The following OPCML variants were observed in gnomAD, a reference collection of about 807,000 sequenced individuals.
OPCML encodes opioid binding protein/cell adhesion molecule like, also known as opioid-binding protein/cell adhesion molecule.
Under a neutral mutation model 37.8 loss-of-function variants are expected in OPCML, and 13 were observed. The ratio of observed to expected loss-of-function variants is 0.34; its 90% CI spans 0.22 to 0.55. The LOEUF is 0.55. Ranked by LOEUF, OPCML falls within the 20% of genes least tolerant of loss-of-function variation. The pLI is 0.91. For missense variants in OPCML, 341 were observed against 435.6 expected (o/e 0.78, Z 1.93); for synonymous variants, 176 against 168.8 (o/e 1.04, Z -0.33).
intron 1 of OPCML, among the ~76,000 whole-genome samples, chr11:133,219,540 G>A (rs1033168653): frequency 2.0e-4 from 30 of 152,170 alleles, no homozygotes; most frequent in Admixed American, 2.0e-4. Context: ...AGAATCATCC[G>A]GAGGGCTTGT....
In OPCML at chr11:133,205,540, T is replaced by C. The variant is rs1565502700; in HGVS notation, c.62-262530A>G. On this transcript the variant is annotated intron_variant, in intron 1 of 7. Transcript: ENST00000524381. The surrounding 1 kb of genome is among the most constrained non-coding windows in gnomAD (Gnocchi z 4.8). The stretch of plus-strand genomic sequence containing the variant: ...GTGCTGTGGGCTGAGCCTCACCCTA[T>C]GGGGACTGACGCCGTCTCCAGGTAG... Among the ~76,000 whole-genome samples the C allele has an allele frequency of 6.6e-6, 1 of 152,172 alleles. No individual in the cohort carries two copies. Among genetic ancestry groups the C allele is most frequent in the Non-Finnish European group, 1.5e-5 (1 of 68,032 alleles).
chr11:132,784,203 C>T (rs140746868), intron 2 of OPCML, among the ~76,000 whole-genome samples: 78 of 152,282 alleles, frequency 5.1e-4, no homozygotes, highest in African/African-American at 1.7e-3. Flanking sequence ...AGACTGCTAC[C>T]TCTACTGACA....
At chr11:132,464,851 T>G (rs1429296352) in intron 4 of OPCML, among the ~76,000 whole-genome samples, 1 of 152,190 alleles carries the variant, frequency 6.6e-6, no homozygotes, top group African/African-American at 2.4e-5. Context: ...GTACAAGATG[T>G]GAAAGTAGCT....
intron 1 of OPCML, among the ~76,000 whole-genome samples, chr11:133,074,925 G>A (rs1193335317): frequency 2.0e-5 from 3 of 152,042 alleles, no homozygotes; most frequent in East Asian, 1.9e-4. Flanking sequence ...ACAGAATGAC[G>A]CCCACCCCTG....
At chr11:132,534,882 G>A (rs1344029753) in intron 3 of OPCML, among the ~76,000 whole-genome samples, 6 of 152,024 alleles carry the variant, frequency 3.9e-5, no homozygotes, top group Non-Finnish European at 7.4e-5. Context: ...TGTTGATATT[G>A]TTCATGCCAT....
chr11:132,701,024 T>C (rs1943792272), intron 2 of OPCML, among the ~76,000 whole-genome samples: 1 of 152,210 alleles, frequency 6.6e-6, no homozygotes, highest in Non-Finnish European at 1.5e-5. Flanking sequence ...GAACTCTTTA[T>C]TGTCATTATA....
chr11:132,686,072 C>A (rs1370882380), intron 2 of OPCML, among the ~76,000 whole-genome samples: 2 of 152,178 alleles, frequency 1.3e-5, no homozygotes, highest in Non-Finnish European at 2.9e-5. Context: ...ATAGAGCTGT[C>A]CATTCCTTAA....
At chr11:132,583,472 AT>A (rs988701386) in intron 3 of OPCML, among the ~76,000 whole-genome samples, 5 of 151,064 alleles carry the variant, frequency 3.3e-5, no homozygotes, top group East Asian at 2.0e-4. Context: ...CTAACTTTTT[AT>A]TTTTTTTATG....
At chr11:133,417,783 A>G (rs1945800619) in intron 1 of OPCML, among the ~76,000 whole-genome samples, 1 of 152,138 alleles carries the variant, frequency 6.6e-6, no homozygotes, top group South Asian at 2.1e-4. Context: ...AATATTTACT[A>G]AATTCTATGC....
At chr11:132,918,492 G>A (rs543011696) in intron 2 of OPCML, among the ~76,000 whole-genome samples, 25 of 152,256 alleles carry the variant, frequency 1.6e-4, no homozygotes, top group African/African-American at 4.3e-4. Flanking sequence ...ATCATACAGC[G>A]TGTGCACTTT....
intron 1 of OPCML, among the ~76,000 whole-genome samples, chr11:133,178,558 C>G (rs1937662994): frequency 6.6e-6 from 1 of 152,126 alleles, no homozygotes. Flanking sequence ...ATAAGACATA[C>G]TTCTCATCCA....
At chr11:133,267,359 C>T (rs1941692020) in intron 1 of OPCML, among the ~76,000 whole-genome samples, 1 of 152,132 alleles carries the variant, frequency 6.6e-6, no homozygotes, top group African/African-American at 2.4e-5. Flanking sequence ...CACATTCTAG[C>T]CATGTGCTCC....
chr11:133,194,644 T>C lies in OPCML; in HGVS notation c.62-251634A>G, dbSNP rs192371943. Among the ~76,000 whole-genome samples the C allele has an allele frequency of 2.0e-5, 3 of 152,338 alleles. No individual in the cohort carries two copies. In the East Asian group the frequency reaches 5.8e-4, roughly 29 times the overall value. On this transcript the variant is annotated intron_variant, in intron 1 of 7. Transcript: ENST00000524381. ...GCCCTTTCCATCTCCGATACGTCCT[T>C]CACTTTGCCCATATAGCAAGTTTAT... is the stretch of plus-strand genomic sequence containing the variant.
At chr11:132,461,297 G>A (rs1234191691) in intron 4 of OPCML, among the ~76,000 whole-genome samples, 1 of 152,112 alleles carries the variant, frequency 6.6e-6, no homozygotes, top group African/African-American at 2.4e-5. Flanking sequence ...AAGAGGGGCT[G>A]CAGGCTGAGT....
rs1187656044 is a variant in OPCML, at chr11:133,208,013, A to AAC, written c.62-265005_62-265004dup. 2.6e-5 allele frequency among the ~76,000 whole-genome samples: 4 copies of AAC among 152,106 alleles called. No individual in the cohort carries two copies. The highest frequency in any genetic ancestry group is 4.8e-5 in the African/African-American group (2 of 41,418). On this transcript the variant is annotated intron_variant, in intron 1 of 7. Transcript: ENST00000524381. This position sits in a 1 kb window ranked among gnomAD's most constrained non-coding sequence, Gnocchi z 8.9. ...AGCACCTCTACGCTTTGTAATTAAG[A>AAC]ACTCAAACTGCATTTAACCACCCTA...
chr11:132,456,826 G>A (rs1453167825), intron 4 of OPCML, among the ~76,000 whole-genome samples: 3 of 152,342 alleles, frequency 2.0e-5, no homozygotes, highest in African/African-American at 4.8e-5. Context: ...ATACTTTTCT[G>A]TAATACTCTA....
intron 2 of OPCML, among the ~76,000 whole-genome samples, chr11:132,797,777 C>T (rs570375403): frequency 3.3e-4 from 51 of 152,264 alleles, no homozygotes; most frequent in African/African-American, 1.2e-3. Context: ...TTAAAAAATA[C>T]TAACAATCAT....
At chr11:133,468,175 T>C (rs11821012) in intron 1 of OPCML, among the ~76,000 whole-genome samples, 20,219 of 152,212 alleles carry the variant, frequency 0.13, 3,222 homozygotes, top group African/African-American at 0.38. Flanking sequence ...CTTTCATTGA[T>C]GGCAATGGCA....
At chr11:133,496,212 G>C (rs1947783426) in intron 1 of OPCML, among the ~76,000 whole-genome samples, 1 of 152,102 alleles carries the variant, frequency 6.6e-6, no homozygotes, top group Non-Finnish European at 1.5e-5. Context: ...TTGGCTATAA[G>C]TATTTGGGTT....
Sources: allele counts gnomAD v4.1 joint callset (sites outside exome capture counted in the v4.1 genomes callset), GRCh38; gene constraint gnomAD v4.1.1; non-coding constraint Gnocchi (gnomAD v3.1); transcripts MANE v1.5; gene names NCBI Gene and HGNC (gene_info 2026-07-23, HGNC 2026-07-21).